Variants in CA10 observed in about 807,000 individuals in gnomAD.
The protein encoded by CA10 is carbonic anhydrase-related protein 10.
In CA10, 14 loss-of-function variants were observed where a neutral mutation model predicts 44.2. That is an observed-to-expected ratio of 0.32 (90% CI 0.21 to 0.50). The LOEUF (loss-of-function observed/expected upper bound fraction) is 0.50, where lower values mean the gene tolerates loss of function less well. Ranked by LOEUF, CA10 falls within the 20% of genes least tolerant of loss-of-function variation. The pLI, the probability that CA10 is intolerant of heterozygous loss-of-function variation, is 0.99. For synonymous variants in CA10, 159 were observed against 141.6 expected (o/e 1.12, Z -0.87); for missense variants, 350 against 409.7 (o/e 0.85, Z 1.26).
chr17:51,808,537 T>A (rs1050377738), intron 3 of CA10, among the ~76,000 whole-genome samples: 3 of 152,342 alleles, frequency 2.0e-5, no homozygotes, highest in Admixed American at 6.5e-5. Flanking sequence ...GCAAGACTCC[T>A]TGTCCCTAGA....
At chr17:51,669,677 C>T (rs1025129844) in intron 4 of CA10, among the ~76,000 whole-genome samples, 13 of 152,130 alleles carry the variant, frequency 8.5e-5, no homozygotes, top group African/African-American at 3.1e-4. Flanking sequence ...CCTTTAAGAA[C>T]TGTAACACTC....
intron 2 of CA10, among the ~76,000 whole-genome samples, chr17:51,961,193 AC>A: frequency 9.5e-6 from 1 of 104,750 alleles, no homozygotes; most frequent in South Asian, 4.4e-4. Context: ...ACACAAACAC[AC>A]ACACACACAC....
chr17:52,003,266 C>T (rs1985489164), intron 2 of CA10, among the ~76,000 whole-genome samples: 1 of 151,890 alleles, frequency 6.6e-6, no homozygotes, highest in East Asian at 2.0e-4. Flanking sequence ...AGTCTTCCCT[C>T]ACCCCTTTTT....
At chr17:52,008,631 T>G (rs1985682890) in intron 2 of CA10, among the ~76,000 whole-genome samples, 1 of 151,836 alleles carries the variant, frequency 6.6e-6, no homozygotes, top group Admixed American at 6.6e-5. Context: ...AAGTTATAGA[T>G]CCTCCAGTAT....
intron 1 of CA10, among the ~76,000 whole-genome samples, chr17:52,090,623 A>C (rs751967537): frequency 3.2e-4 from 49 of 152,212 alleles, no homozygotes; most frequent in Admixed American, 1.3e-3. Context: ...TGAAAATTTT[A>C]AAATAGGTAA....
rs549602722 is a variant in CA10 at position 51,693,922 on chromosome 17, C to T, written c.466-40186G>A. ...CTAAGTTCTTTAAGAAATTCACCCCCGGCTGGACACAGTGGCTCACACCTG... is the reference window on the plus strand; with the variant it reads ...CTAAGTTCTTTAAGAAATTCACCCCTGGCTGGACACAGTGGCTCACACCTG... On this transcript the variant is annotated intron_variant, in intron 4 of 8. Coordinates refer to ENST00000451037, the MANE Select transcript of CA10 (RefSeq NM_020178.5). Among the ~76,000 whole-genome samples, 12 of 152,048 alleles carry T rather than the reference C, an allele frequency of 7.9e-5. No individual in the cohort carries two copies. In the South Asian group the frequency reaches 8.3e-4, roughly 10 times the overall value.
chr17:51,659,943 A>C (rs8077498), intron 4 of CA10, among the ~76,000 whole-genome samples: 67,136 of 151,952 alleles, frequency 0.44, 15,798 homozygotes, highest in Admixed American at 0.53. Flanking sequence ...TGGTGATGGG[A>C]TTTGGCTCAG....
At chr17:52,112,610 A>G (rs1443434535) in intron 1 of CA10, among the ~76,000 whole-genome samples, 2 of 152,226 alleles carry the variant, frequency 1.3e-5, no homozygotes, top group Non-Finnish European at 2.9e-5. Context: ...AAGTTTCTCA[A>G]TGTAATCATC....
At chr17:51,952,587 A>G (rs959125772) in intron 2 of CA10, among the ~76,000 whole-genome samples, 3 of 152,114 alleles carry the variant, frequency 2.0e-5, no homozygotes, top group African/African-American at 2.4e-5. Flanking sequence ...AAGAAGATCA[A>G]TAAATTTGGG....
chr17:52,085,592 T>C (rs1988096373), intron 1 of CA10, among the ~76,000 whole-genome samples: 1 of 152,230 alleles, frequency 6.6e-6, no homozygotes, highest in African/African-American at 2.4e-5. Context: ...GGTTAACTTA[T>C]CTGTTTTCCA....
At chr17:51,917,194 G>A (rs1982036249) in intron 3 of CA10, among the ~76,000 whole-genome samples, 1 of 151,800 alleles carries the variant, frequency 6.6e-6, no homozygotes, top group Non-Finnish European at 1.5e-5. Flanking sequence ...TACCATGGTG[G>A]ATTTCAAGTC....
chr17:51,790,262 C>G (rs1906463855), intron 3 of CA10, among the ~76,000 whole-genome samples: 2 of 152,190 alleles, frequency 1.3e-5, no homozygotes, highest in South Asian at 4.1e-4. Flanking sequence ...CCCATGATAA[C>G]TTGCCTCAAT....
chr17:51,940,820 T>G (rs1047653901), intron 2 of CA10, among the ~76,000 whole-genome samples: 4 of 152,076 alleles, frequency 2.6e-5, no homozygotes, highest in Non-Finnish European at 5.9e-5. Flanking sequence ...GCCAAACATG[T>G]TTTCTTCTGA....
At chr17:51,773,355 C>T (rs1438190691) in intron 3 of CA10, among the ~76,000 whole-genome samples, 1 of 152,176 alleles carries the variant, frequency 6.6e-6, no homozygotes, top group Non-Finnish European at 1.5e-5. Context: ...GAGATTACAT[C>T]TGGGGTAGTC....
intron 2 of CA10, among the ~76,000 whole-genome samples, chr17:52,061,330 G>A (rs1351263171): frequency 6.6e-6 from 1 of 152,124 alleles, no homozygotes. Context: ...AGTAATGCAG[G>A]TGGCTTCTAG....
chr17:51,936,926 T>C (rs1982891454), intron 2 of CA10, among the ~76,000 whole-genome samples: 1 of 152,156 alleles, frequency 6.6e-6, no homozygotes, highest in Non-Finnish European at 1.5e-5. Flanking sequence ...GCAGAACTAA[T>C]TGAATGTTTT....
chr17:51,959,433 C>G (rs1983799458), intron 2 of CA10, among the ~76,000 whole-genome samples: 1 of 151,508 alleles, frequency 6.6e-6, no homozygotes, highest in Admixed American at 6.6e-5. Flanking sequence ...TAAAGCCCTG[C>G]CATTTATGAC....
At position 51,747,617 on chromosome 17, in the gene CA10, T is replaced by G. The variant is rs779048383; in HGVS notation, c.465+16A>C. ...AAGTTGACATTTAACCTTAGTACTT[T>G]GACAGACTAACATACCTCCCCAGAG... On this transcript the variant is annotated intron_variant, in intron 4 of 8. Transcript: ENST00000451037. The G allele has an allele frequency of 1.3e-6, 2 of 1,597,122 alleles. No homozygotes were observed. Among genetic ancestry groups the G allele is most frequent in the Non-Finnish European group, 1.7e-6 (2 of 1,172,572 alleles).
Position 51,949,838 on chromosome 17 carries a change from A to G in CA10, c.137-18706T>C, listed in dbSNP as rs113998621. The stretch of plus-strand genomic sequence containing the variant: ...CTTTGTGGCCCCTGTGCAGCCTGCC[A>G]TTATACAAGATCACTTAACTACAAT... On this transcript the variant is annotated intron_variant, in intron 2 of 8. Coordinates refer to ENST00000451037, the MANE Select transcript of CA10 (RefSeq NM_020178.5). Among the ~76,000 whole-genome samples, 654 of 152,256 alleles carry G rather than the reference A, an allele frequency of 4.3e-3. 3 individuals are homozygous for G. Among genetic ancestry groups the G allele is most frequent in the Middle Eastern group, 0.034 (10 of 294 alleles).
Sources: allele counts gnomAD v4.1 joint callset (sites outside exome capture counted in the v4.1 genomes callset), GRCh38; gene constraint gnomAD v4.1.1; transcripts MANE v1.5; gene names NCBI Gene and HGNC (gene_info 2026-07-23, HGNC 2026-07-21).